The following TTC33 variants were observed in gnomAD, a reference collection of about 807,000 sequenced individuals.
TTC33 encodes tetratricopeptide repeat protein 33.
A neutral mutation model predicts 29.4 loss-of-function variants in TTC33; 24 were observed. The ratio of observed to expected loss-of-function variants is 0.82; its 90% confidence interval spans 0.59 to 1.15. TTC33 has a LOEUF of 1.15. Among genes scored for constraint, TTC33 ranks in the 50% most tolerant of loss-of-function variants. The probability of loss-of-function intolerance (pLI) is 0.00; values close to 1 mark genes in which losing one functional copy is unlikely to be tolerated. For synonymous variants in TTC33, 107 were observed against 100.3 expected (o/e 1.07, Z -0.40); for missense variants, 286 against 310.4 (o/e 0.92, Z 0.59).
chr5:40,734,982 C>T (rs1435621164), intron 2 of TTC33, among the ~76,000 whole-genome samples: 2 of 152,142 alleles, frequency 1.3e-5, no homozygotes, highest in African/African-American at 4.8e-5. Flanking sequence ...CAAGCTGAGA[C>T]CTGAGTGACA....
rs532626219 is a variant in TTC33, at chr5:40,736,065, A to G, written c.222-5722T>C. On this transcript the variant is annotated intron_variant, in intron 2 of 4. Coordinates refer to ENST00000337702, the MANE Select transcript of TTC33 (RefSeq NM_012382.3). ...AGAAGAAACAGATTATATAAAAATG[A>G]GAGGACAATTTCAGAACAACGTTCC... Among the ~76,000 whole-genome samples the G allele has an allele frequency of 2.6e-4, 39 of 152,352 alleles. No individual in the cohort carries two copies. In the South Asian group the frequency reaches 7.7e-3, roughly 30 times the overall value.
intron 1 of TTC33, among the ~76,000 whole-genome samples, chr5:40,750,199 T>C (rs906620829): frequency 1.3e-5 from 2 of 152,166 alleles, no homozygotes; most frequent in African/African-American, 4.8e-5. Flanking sequence ...ATGGAGAGTT[T>C]TTCCTCAATG....
chr5:40,720,988 G>A (rs1052058372), intron 4 of TTC33, among the ~76,000 whole-genome samples: 2 of 152,156 alleles, frequency 1.3e-5, no homozygotes, highest in African/African-American at 4.8e-5. Context: ...ACCTACAGGA[G>A]ACCAGAGATA....
Position 40,725,645 on chromosome 5 carries a change from T to TA in TTC33, c.435+2699dup, listed in dbSNP as rs1742262550. The stretch of plus-strand genomic sequence containing the variant: ...ACAGAAGAATCCTTCCTGATACTGT[T>TA]ACCTCCTGGTATTCATTACCTTTCC... On this transcript the variant is annotated intron_variant, in intron 4 of 4. Coordinates refer to ENST00000337702, the MANE Select transcript of TTC33 (RefSeq NM_012382.3). Among the ~76,000 whole-genome samples, 3 of 152,156 alleles carry TA rather than the reference T, an allele frequency of 2.0e-5. No individual in the cohort carries two copies. The East Asian group carries it at 5.8e-4, about 29-fold the overall frequency.
chr5:40,725,804 T>TTG (rs1742268572), intron 4 of TTC33, among the ~76,000 whole-genome samples: 1 of 143,886 alleles, frequency 6.9e-6, no homozygotes, highest in African/African-American at 2.5e-5. Context: ...TTTTTTTTTT[T>TTG]GAGACAGGTC....
intron 4 of TTC33, among the ~76,000 whole-genome samples, chr5:40,721,449 C>A (rs1230833765): frequency 6.6e-6 from 1 of 152,104 alleles, no homozygotes; most frequent in Non-Finnish European, 1.5e-5. Flanking sequence ...ACAAATAAAT[C>A]CACACCCAAC....
Position 40,714,380 on chromosome 5 carries a change from T to C in TTC33, c.*1765A>G, listed in dbSNP as rs1432420998. Reference sequence around the variant, plus strand: ...ATGTGTGAGGCACCATGCAAGGTACTTTAAATATATTAAGTTCATATAAGA... The same window carrying C: ...ATGTGTGAGGCACCATGCAAGGTACCTTAAATATATTAAGTTCATATAAGA... On this transcript the variant is annotated 3_prime_UTR_variant, in exon 5 of 5. Coordinates refer to ENST00000337702, the MANE Select transcript of TTC33 (RefSeq NM_012382.3). The C allele has an allele frequency of 6.6e-6, 1 of 152,194 alleles. No homozygotes were observed. Among genetic ancestry groups the C allele is most frequent in the African/African-American group, 2.4e-5 (1 of 41,448 alleles). The allele number at this position is 152,194 out of a possible 1,614,324, so 9.4% of individuals were successfully genotyped here. A position where few individuals can be genotyped will look rare whatever the true frequency, so the allele number is the denominator to read the frequency against.
Position 40,720,023 on chromosome 5 carries a change from C to A in TTC33, c.436-3525G>T, listed in dbSNP as rs559106764. 5.3e-5 allele frequency among the ~76,000 whole-genome samples: 8 copies of A among 152,222 alleles called. 1 individual carries two copies. In the South Asian group the frequency reaches 1.2e-3, roughly 24 times the overall value. On this transcript the variant is annotated intron_variant, in intron 4 of 4. Transcript: ENST00000337702. ...ACTTTCTTGACAGTAACTTTTGAAG[C>A]ACAAAAGTGTTTAATTTGAAGTCCA...
At chr5:40,729,394 G>A (rs1742371025) in intron 3 of TTC33, among the ~76,000 whole-genome samples, 1 of 152,208 alleles carries the variant, frequency 6.6e-6, no homozygotes, top group African/African-American at 2.4e-5. Context: ...CTCTGTGTGA[G>A]ACTTTTAAAA....
Position 40,715,972 on chromosome 5 carries a change from C to T in TTC33, c.*173G>A, listed in dbSNP as rs1255665238. 4.0e-6 allele frequency: 2 copies of T among 499,462 alleles called. No homozygotes were observed. Among genetic ancestry groups the T allele is most frequent in the East Asian group, 6.2e-5 (2 of 32,246 alleles). The allele number at this position is 499,462 out of a possible 1,614,324, so 30.9% of individuals were successfully genotyped here. ...AAATATAAATCATAACTTATCAAAG[C>T]ATATTCCAAACACTATACAATAATC... On this transcript the variant is annotated 3_prime_UTR_variant, in exon 5 of 5. Coordinates refer to ENST00000337702, the MANE Select transcript of TTC33 (RefSeq NM_012382.3).
intron 4 of TTC33, among the ~76,000 whole-genome samples, chr5:40,723,961 A>C (rs1016725714): frequency 1.3e-5 from 2 of 152,230 alleles, no homozygotes; most frequent in Non-Finnish European, 2.9e-5. Flanking sequence ...AAAATGGTGT[A>C]GCCATTATGG....
intron 4 of TTC33, among the ~76,000 whole-genome samples, chr5:40,725,816 T>C (rs558752168): frequency 9.0e-4 from 135 of 149,908 alleles, no homozygotes; most frequent in African/African-American, 3.2e-3. Flanking sequence ...AGACAGGTCT[T>C]GCTCTGTCAC....
In TTC33 at chr5:40,716,301, A is replaced by C; in HGVS notation, c.633T>G (p.Ile211Met). 6 of 1,614,200 alleles carry C rather than the reference A, an allele frequency of 3.7e-6. No homozygotes were observed. The highest frequency in any genetic ancestry group is 5.1e-6 in the Non-Finnish European group (6 of 1,180,024). The part of the protein sequence containing the change: ...IPDYDFESDE[I>M]VAVCAAIAEK... ...CAGCAATAGCTGCACAAACAGCAAC[A>C]ATCTCATCACTTTCAAAGTCATAGT... The change falls in exon 5 of 5, where the codon ATT becomes ATG. Residue 211 changes from isoleucine to methionine, a missense_variant. By Grantham distance (10) the Ile-to-Met change is conservative. Coordinates refer to ENST00000337702, the MANE Select transcript of TTC33 (RefSeq NM_012382.3).
chr5:40,728,153 G>A (rs768122274), intron 4 of TTC33, among the ~76,000 whole-genome samples, 192 bp downstream of exon 4: 24 of 151,628 alleles, frequency 1.6e-4, no homozygotes, highest in East Asian at 3.9e-4. Flanking sequence ...GCATGGTGGC[G>A]CATGCCTATA....
At chr5:40,749,536 A>C (rs1348511161) in intron 1 of TTC33, among the ~76,000 whole-genome samples, 1 of 152,200 alleles carries the variant, frequency 6.6e-6, no homozygotes, top group Admixed American at 6.5e-5. Context: ...GCACTGTGGG[A>C]GTATGGGAGG....
At chr5:40,722,768 GGAGGTGGCGGGGCAGCCCCCGCCCA>G (rs1430249859) in intron 4 of TTC33, among the ~76,000 whole-genome samples, 1 of 151,434 alleles carries the variant, frequency 6.6e-6, no homozygotes, top group African/African-American at 2.4e-5. Context: ...GCCCCGTCCC[GGAGGTGGCGGGGCAGCCCCCGCCCA>G]GCCAGCCGCC....
intron 1 of TTC33, among the ~76,000 whole-genome samples, chr5:40,754,004 C>T (rs1244151272): frequency 6.6e-6 from 1 of 152,042 alleles, no homozygotes; most frequent in Non-Finnish European, 1.5e-5. Context: ...AGAAACAGAC[C>T]CACACATCTT....
chr5:40,754,529 C>A (rs1444059316), intron 1 of TTC33, among the ~76,000 whole-genome samples: 1 of 152,044 alleles, frequency 6.6e-6, no homozygotes. Context: ...TAAGGAAAAG[C>A]AACAAAGGAA....
intron 2 of TTC33, among the ~76,000 whole-genome samples, chr5:40,733,591 C>T (rs929272147): frequency 3.3e-5 from 5 of 152,146 alleles, no homozygotes; most frequent in Non-Finnish European, 5.9e-5. Flanking sequence ...AGGAAGTTAT[C>T]ACCCCATAGA....
Sources: allele counts gnomAD v4.1 joint callset (sites outside exome capture counted in the v4.1 genomes callset), GRCh38; gene constraint gnomAD v4.1.1; transcripts MANE v1.5; gene names NCBI Gene and HGNC (gene_info 2026-07-23, HGNC 2026-07-21).